MAST4: variants seen among roughly 807,000 people sequenced by gnomAD.
The protein encoded by MAST4 is microtubule-associated serine/threonine-protein kinase 4.
In MAST4, 89 loss-of-function variants were observed where a neutral mutation model predicts 162.7. The observed-to-expected ratio is 0.55, with a 90% CI of 0.46 to 0.65. The LOEUF is 0.65. Ranked by LOEUF, MAST4 falls within the 30% of genes least tolerant of loss-of-function variation. MAST4 has a pLI of 0.00. For missense variants in MAST4, 3,153 were observed against 3,374.0 expected (o/e 0.93, Z 1.62); for synonymous variants, 1,479 against 1,361.1 (o/e 1.09, Z -1.91).
intron 4 of MAST4, among the ~76,000 whole-genome samples, chr5:66,922,320 G>A (rs1203550260): frequency 6.6e-6 from 1 of 152,228 alleles, no homozygotes; most frequent in African/African-American, 2.4e-5. Context: ...TGGGTCAGGA[G>A]TCAGTGACCC....
Position 67,100,597 on chromosome 5 carries a change from G to A in MAST4, c.1070+5G>A. The A allele has an allele frequency of 2.5e-6, 4 of 1,613,832 alleles. No individual in the cohort carries two copies. Among genetic ancestry groups the A allele is most frequent in the Non-Finnish European group, 3.4e-6 (4 of 1,179,794 alleles). On this transcript the variant is annotated splice_donor_5th_base_variant and intron_variant, in intron 8 of 28. Coordinates refer to ENST00000403625, the MANE Select transcript of MAST4 (RefSeq NM_001164664.2). ...CCCCCGTTCCCGAAGTCTGAGGTGT[G>A]TGGGCCTGGCTGAAAACCATTACTT...
chr5:67,166,735 A>G lies in MAST4; in HGVS notation c.7556A>G (p.Asp2519Gly). 6.3e-7 allele frequency: 1 copy of G among 1,589,744 alleles called. No homozygotes were observed. Among genetic ancestry groups the G allele is most frequent in the Non-Finnish European group, 8.6e-7 (1 of 1,168,778 alleles). Residue 2519 changes from aspartate to glycine, a missense_variant, in exon 29 of 29, where the codon GAC becomes GGC. Asp to Gly is a moderately conservative substitution (Grantham distance 94). Coordinates refer to ENST00000403625, the MANE Select transcript of MAST4 (RefSeq NM_001164664.2). ...GEGRTHMTKS[D>G]SLPSFRVSTL... The stretch of plus-strand genomic sequence containing the variant: ...GGCCGAACCCACATGACAAAGAGTG[A>G]CTCCCTGCCCTCCTTCCGGGTCTCC...
intron 3 of MAST4, among the ~76,000 whole-genome samples, chr5:66,866,675 G>T (rs1760546523): frequency 1.3e-5 from 2 of 152,176 alleles, no homozygotes; most frequent in South Asian, 2.1e-4. Context: ...CTATCTCAGA[G>T]GTGAGTAGAT....
chr5:66,996,233 C>G (rs192954553), intron 4 of MAST4, among the ~76,000 whole-genome samples: 1 of 151,968 alleles, frequency 6.6e-6, no homozygotes, highest in Non-Finnish European at 1.5e-5. Context: ...GAGTCGAGAT[C>G]GTGCCATTGC....
intron 3 of MAST4, among the ~76,000 whole-genome samples, chr5:66,883,100 A>C (rs1334511378): frequency 6.6e-6 from 1 of 152,250 alleles, no homozygotes; most frequent in African/African-American, 2.4e-5. Context: ...TAAATTCCAG[A>C]AATGGGCAAA....
intron 1 of MAST4, among the ~76,000 whole-genome samples, chr5:66,615,909 A>G (rs747180955): frequency 2.0e-5 from 3 of 152,214 alleles, no homozygotes; most frequent in Admixed American, 6.5e-5. Flanking sequence ...TGCCCTCAGC[A>G]AGGTAGTTGC....
chr5:67,049,027 A>ACG (rs1757771401), intron 4 of MAST4, among the ~76,000 whole-genome samples: 10 of 84,034 alleles, frequency 1.2e-4, no homozygotes, highest in African/African-American at 1.4e-4. Flanking sequence ...ATATACGTAT[A>ACG]TATATATATA....
At chr5:66,777,911 T>C (rs1027721399) in intron 2 of MAST4, among the ~76,000 whole-genome samples, 1 of 152,344 alleles carries the variant, frequency 6.6e-6, no homozygotes, top group African/African-American at 2.4e-5. Flanking sequence ...ATTTGCTGTT[T>C]CCTTCCATAT....
At chr5:66,620,313 C>T (rs1340944195) in intron 1 of MAST4, among the ~76,000 whole-genome samples, 2 of 152,252 alleles carry the variant, frequency 1.3e-5, no homozygotes. Flanking sequence ...TTCCCCTCCA[C>T]ATTAAAACCA....
chr5:67,046,418 C>T (rs1436193884), intron 4 of MAST4, among the ~76,000 whole-genome samples: 1 of 152,204 alleles, frequency 6.6e-6, no homozygotes. Context: ...CACACTTCAG[C>T]AGCAAATTTT....
chr5:66,630,706 G>C (rs1368214526), intron 1 of MAST4, among the ~76,000 whole-genome samples: 2 of 152,064 alleles, frequency 1.3e-5, no homozygotes, highest in Middle Eastern at 3.2e-3. Flanking sequence ...AGAGCTCTTT[G>C]AGAAAACATT....
chr5:66,990,993 C>G (rs540030458), intron 4 of MAST4, among the ~76,000 whole-genome samples: 1 of 152,088 alleles, frequency 6.6e-6, no homozygotes, highest in Non-Finnish European at 1.5e-5. Flanking sequence ...AAAATAATGA[C>G]TCTGAAATTT....
chr5:66,782,365 T>A (rs1197807198), intron 2 of MAST4, among the ~76,000 whole-genome samples: 1 of 151,384 alleles, frequency 6.6e-6, no homozygotes, highest in Non-Finnish European at 1.5e-5. Context: ...ATGATCTGGG[T>A]CTAGATTCAA....
Position 67,133,590 on chromosome 5 carries a change from A to G in MAST4, c.2170A>G (p.Thr724Ala), listed in dbSNP as rs761704088. The change falls in exon 17 of 29, where the codon ACC becomes GCC. Residue 724 changes from threonine (T) to alanine (A), a missense_variant. Around this residue, in one of 7 missense-constraint regions of MAST4, gnomAD observed 131 missense variants for 253.8 expected, o/e 0.52. Coordinates refer to ENST00000403625, the MANE Select transcript of MAST4 (RefSeq NM_001164664.2). The stretch of plus-strand genomic sequence containing the variant: ...TAAGGTGGGACTAATGAGCATGACT[A>G]CCAACCTTTACGAGGGTCATATTGA... ...LSKVGLMSMT[T>A]NLYEGHIEKD... 1.2e-6 allele frequency: 2 copies of G among 1,613,326 alleles called. No individual in the cohort carries two copies. Among genetic ancestry groups the G allele is most frequent in the African/African-American group, 2.7e-5 (2 of 74,886 alleles).
At chr5:66,997,834 G>A (rs1469806785) in intron 4 of MAST4, among the ~76,000 whole-genome samples, 2 of 152,136 alleles carry the variant, frequency 1.3e-5, no homozygotes, top group Non-Finnish European at 2.9e-5. Context: ...TAAACTTTTT[G>A]TTGGTATAGA....
At chr5:67,146,327 A>C (rs913354600) in intron 23 of MAST4, among the ~76,000 whole-genome samples, 1 of 152,230 alleles carries the variant, frequency 6.6e-6, no homozygotes, top group Non-Finnish European at 1.5e-5. Flanking sequence ...TCCTCACTAG[A>C]TATTCAAACT....
chr5:67,132,654 T>C (rs1203512090), intron 16 of MAST4, among the ~76,000 whole-genome samples: 2 of 152,164 alleles, frequency 1.3e-5, no homozygotes, highest in East Asian at 3.8e-4. Context: ...GATGACTAGC[T>C]ATTCATCTTG....
rs1476320257 is a variant in MAST4 at position 67,054,433 on chromosome 5, T to C, written c.704T>C (p.Ile235Thr). Residue 235 changes from isoleucine to threonine, a missense_variant, in exon 5 of 29, where the codon ATA (isoleucine) becomes ACA (threonine). By Grantham distance (89) the Ile-to-Thr change is moderately conservative (BLOSUM62 -1). Around this residue, in one of 7 missense-constraint regions of MAST4, gnomAD observed 327 missense variants for 336.5 expected, o/e 0.97. Transcript: ENST00000403625. Reference protein sequence around the residue: ...FCRTSNRKSLIGNGQSPALPR... With the variant: ...FCRTSNRKSLTGNGQSPALPR... ...CGAACAAGCAACCGGAAAAGCTTAA[T>C]AGGCAATGGGCAGTCACCAGCATTG... is the stretch of plus-strand genomic sequence containing the variant. 15 of 1,609,958 alleles carry C rather than the reference T, an allele frequency of 9.3e-6. No individual in the cohort carries two copies. The highest frequency in any genetic ancestry group is 1.7e-5 in the Admixed American group (1 of 59,426).
intron 3 of MAST4, among the ~76,000 whole-genome samples, chr5:66,883,069 CATAA>C (rs1554063757): frequency 1.3e-5 from 2 of 152,062 alleles, no homozygotes; most frequent in Non-Finnish European, 2.9e-5. Flanking sequence ...ATGCTAAGGA[CATAA>C]ATAAACCTTG....
Sources: gnomAD v4.1 joint callset for allele counts (sites outside exome capture counted in the v4.1 genomes callset) on GRCh38, gnomAD v4.1.1 for gene constraint, gnomAD v4.1.1 regional missense constraint, MANE v1.5 for transcripts, NCBI Gene and HGNC (gene_info 2026-07-23, HGNC 2026-07-21) for gene names.